ECSCR: variants seen among roughly 807,000 people sequenced by gnomAD.
The protein encoded by ECSCR is endothelial cell-specific chemotaxis regulator.
ECSCR carries 12 observed loss-of-function variants against 16.7 expected under a neutral mutation model. The ratio of observed to expected loss-of-function variants is 0.72; its 90% CI spans 0.46 to 1.17. ECSCR has a LOEUF of 1.17. Among genes scored for constraint, ECSCR ranks in the 50% most tolerant of loss-of-function variants. The pLI is 0.00. For synonymous variants in ECSCR, 44 were observed against 42.2 expected, an observed-to-expected ratio of 1.04 and a Z score of -0.17; for missense variants, 122 against 116.1, an observed-to-expected ratio of 1.05 and a Z score of -0.23.
At chr5:139,459,153 C>T (rs957808079) in intron 1 of ECSCR, among the ~76,000 whole-genome samples, 2 of 152,122 alleles carry the variant, frequency 1.3e-5, no homozygotes, top group Non-Finnish European at 1.5e-5. Context: ...CACACCTAGA[C>T]AAGGAAGGGC....
chr5:139,451,061 G>A (rs1394124990), intron 8 of ECSCR, among the ~76,000 whole-genome samples: 2 of 152,034 alleles, frequency 1.3e-5, no homozygotes, highest in Non-Finnish European at 2.9e-5. Flanking sequence ...GGCCTCAGAG[G>A]AGCCTGTCAG....
intron 2 of ECSCR, 114 bp from the exon 3 acceptor site, chr5:139,457,921 C>T (rs1751195879): frequency 1.6e-6 from 2 of 1,263,336 alleles, no homozygotes; most frequent in African/African-American, 1.5e-5. Flanking sequence ...ACCCCTCATT[C>T]CCAACCATTC....
chr5:139,450,951 G>T (rs889660755), intron 8 of ECSCR, among the ~76,000 whole-genome samples: 4 of 152,076 alleles, frequency 2.6e-5, no homozygotes, highest in African/African-American at 4.8e-5. Context: ...TCATGATGGG[G>T]TTATAGAGGG....
At position 139,457,775 on chromosome 5, in the gene ECSCR, GC is replaced by G; in HGVS notation, c.138del (p.Glu46AspfsTer55). On this transcript the variant is annotated frameshift_variant, in exon 3 of 10. Coordinates refer to ENST00000618155, the MANE Select transcript of ECSCR (RefSeq NM_001077693.4). ...GGLGGLSLTT[E>X]PVSSNPGYIP... ...CACTCACCTGGGTTGGAAGAAACTG[GC>G]TCTGTGGTCAGACTTAGACCGCCAA... is the stretch of plus-strand genomic sequence containing the variant. The G allele has an allele frequency of 6.2e-7, 1 of 1,612,434 alleles. No individual in the cohort carries two copies. The highest frequency in any genetic ancestry group is 8.5e-7 in the Non-Finnish European group (1 of 1,179,218).
chr5:139,460,367 C>T (rs2152090213), intron 1 of ECSCR, among the ~76,000 whole-genome samples: 1 of 152,234 alleles, frequency 6.6e-6, no homozygotes, highest in South Asian at 2.1e-4. Context: ...AACTCCTGAC[C>T]TCAGGTGATC....
intron 8 of ECSCR, among the ~76,000 whole-genome samples, chr5:139,451,672 TG>T (rs1389464817): frequency 7.3e-6 from 1 of 136,086 alleles, no homozygotes; most frequent in Non-Finnish European, 1.6e-5. Context: ...ATGTTGGGTA[TG>T]GGGTGTGGGG....
intron 8 of ECSCR, among the ~76,000 whole-genome samples, chr5:139,451,796 A>G (rs1275553049): frequency 9.5e-6 from 1 of 104,870 alleles, no homozygotes; most frequent in African/African-American, 3.8e-5. Flanking sequence ...GAGGGTGGGT[A>G]TGGTGTGGGT....
intron 8 of ECSCR, among the ~76,000 whole-genome samples, chr5:139,450,609 C>G (rs903864256): frequency 5.3e-5 from 8 of 151,538 alleles, no homozygotes; most frequent in African/African-American, 9.7e-5. Flanking sequence ...AACCCTGTCT[C>G]TACTAAAAAT....
chr5:139,462,417 A>C (rs1215738972), intron 1 of ECSCR, among the ~76,000 whole-genome samples, 193 bp downstream of exon 1: 3 of 152,156 alleles, frequency 2.0e-5, no homozygotes, highest in Non-Finnish European at 2.9e-5. Flanking sequence ...AGAGGGTTTA[A>C]CCGTAGCTCC....
chr5:139,454,960 C>CG (rs1751125147), intron 6 of ECSCR, 37 bp from the exon 7 acceptor site: 1 of 398,434 alleles, frequency 2.5e-6, no homozygotes, highest in African/African-American at 2.1e-5. Context: ...GGGGGCCAGT[C>CG]GGGGGGACAA....
intron 4 of ECSCR, 97 bp downstream of exon 4, chr5:139,457,448 C>T (rs1481752934): frequency 1.6e-5 from 12 of 772,728 alleles, no homozygotes; most frequent in East Asian, 1.5e-4. Flanking sequence ...TGTCTGTTCC[C>T]GCTCGCCCCA....
Position 139,449,247 on chromosome 5 carries a change from T to C in ECSCR, c.513-73A>G, listed in dbSNP as rs1750975940. ...AATGGGGAGTCAAGGAACTGTGAGG[T>C]TGTTGAGCCTTAGACCTTTGTCTCA... On this transcript the variant is annotated intron_variant, in intron 8 of 9. Transcript: ENST00000618155. The C allele has an allele frequency of 2.7e-6, 3 of 1,109,906 alleles. No homozygotes were observed. The East Asian group carries it at 7.7e-5, about 29-fold the overall frequency. 68.8% of individuals were successfully genotyped at this position (1,109,906 alleles called of 1,614,324 possible).
chr5:139,449,235 G>C, intron 8 of ECSCR, 61 bp from the exon 9 acceptor site: 2 of 1,228,462 alleles, frequency 1.6e-6, no homozygotes, highest in South Asian at 2.6e-5. Flanking sequence ...GGGGAGTCAA[G>C]GAACTGTGAG....
intron 1 of ECSCR, among the ~76,000 whole-genome samples, chr5:139,461,553 G>A (rs566394705): frequency 1.7e-4 from 26 of 152,246 alleles, no homozygotes; most frequent in Non-Finnish European, 2.8e-4. Flanking sequence ...GAAAAGTCTC[G>A]GCCTGTGAAA....
chr5:139,452,249 G>A (rs1205394756), intron 8 of ECSCR, among the ~76,000 whole-genome samples: 1 of 147,690 alleles, frequency 6.8e-6, no homozygotes, highest in African/African-American at 2.5e-5. Context: ...TGATGTGTGG[G>A]GTGTGTGGGT....
chr5:139,458,484 G>A lies in ECSCR; in HGVS notation c.62-301C>T, dbSNP rs145148179. The stretch of plus-strand genomic sequence containing the variant: ...CTACACTCCAGCCTGGGCAACAGGT[G>A]GAGACCCTATCTCAACAAAAAAAAA... On this transcript the variant is annotated intron_variant, in intron 1 of 9. Transcript: ENST00000618155. Among the ~76,000 whole-genome samples, 295 of 108,170 alleles carry A rather than the reference G, an allele frequency of 2.7e-3. 2 individuals are homozygous for A. The highest frequency in any genetic ancestry group is 0.013 in the African/African-American group (284 of 21,944). The allele number at this position is 108,170 out of a possible 152,430, so 71.0% of individuals were successfully genotyped here. A position where few individuals can be genotyped will look rare whatever the true frequency, so the allele number is the denominator to read the frequency against.
chr5:139,461,437 G>A (rs1385478222), intron 1 of ECSCR, among the ~76,000 whole-genome samples: 2 of 152,182 alleles, frequency 1.3e-5, no homozygotes, highest in Non-Finnish European at 2.9e-5. Flanking sequence ...TCAGGATGAA[G>A]GGTTAGGAAA....
At chr5:139,456,574 C>G (rs1751163490) in intron 4 of ECSCR, 56 bp from the exon 5 acceptor site, 2 of 398,476 alleles carry the variant, frequency 5.0e-6, no homozygotes, top group Non-Finnish European at 8.9e-6. Flanking sequence ...GCTCTTCTCC[C>G]TCGCTGCTAA....
chr5:139,452,481 GGA>G (rs2152088554), intron 8 of ECSCR, among the ~76,000 whole-genome samples: 1 of 48,686 alleles, frequency 2.1e-5, no homozygotes, highest in East Asian at 6.0e-4. Context: ...TGTGGGGTGT[GGA>G]GTGTGTGGTG....
Sources: gnomAD v4.1 joint callset for allele counts (sites outside exome capture counted in the v4.1 genomes callset) on GRCh38, gnomAD v4.1.1 for gene constraint, MANE v1.5 for transcripts, NCBI Gene and HGNC (gene_info 2026-07-23, HGNC 2026-07-21) for gene names.